Variants in ZNF177 observed in about 807,000 individuals in gnomAD.
The protein encoded by ZNF177 is zinc finger protein 177.
Under a neutral mutation model 19.4 loss-of-function variants are expected in ZNF177, and 17 were observed. That is an observed-to-expected ratio of 0.87 (90% CI 0.60 to 1.31). ZNF177 has a LOEUF of 1.31. ZNF177 is among the 40% of genes most tolerant of loss of function. ZNF177 has a pLI of 0.00. For synonymous variants in ZNF177, 220 were observed against 188.7 expected (o/e 1.17, Z -1.36); for missense variants, 633 against 561.8 (o/e 1.13, Z -1.28).
Position 9,380,148 on chromosome 19 carries a change from T to TA in ZNF177, c.336+10dup. The TA allele has an allele frequency of 6.3e-7, 1 of 1,599,714 alleles. No homozygotes were observed. The highest frequency in any genetic ancestry group is 8.5e-7 in the Non-Finnish European group (1 of 1,176,462). On this transcript the variant is annotated intron_variant, in intron 5 of 5. Transcript: ENST00000589262. ...CCAATGGCATAAACACGGTAAGACT[T>TA]ACTAGGAAGTATTCCTGGTCTTTGT...
chr19:9,381,326 G>A (rs1348257144), exon 6 of ZNF177: 1 of 1,614,066 alleles, frequency 6.2e-7, no homozygotes, highest in Non-Finnish European at 8.5e-7. Context: ...GTGCACAAAA[G>A]AACTCACACT....
intron 5 of ZNF177, 53 bp downstream of exon 7, chr19:9,380,192 TGAA>T: frequency 6.5e-7 from 1 of 1,548,836 alleles, no homozygotes; most frequent in African/African-American, 1.4e-5. Flanking sequence ...TCTGGGAATC[TGAA>T]TGAGTTAAAA....
At chr19:9,370,087 T>G (rs2068028413) in intron 2 of ZNF177, among the ~76,000 whole-genome samples, 1 of 152,216 alleles carries the variant, frequency 6.6e-6, no homozygotes, top group Admixed American at 6.5e-5. Context: ...ATGGGTAAGT[T>G]GTCTCAGGTC....
intron 2 of ZNF177, 95 bp from the exon 5 acceptor site, chr19:9,378,867 C>A: frequency 1.4e-6 from 2 of 1,448,962 alleles, no homozygotes; most frequent in South Asian, 1.7e-5. Flanking sequence ...TGCCCTGAGT[C>A]TCCTCTCCAG....
exon 6 of ZNF177, chr19:9,381,885 A>G: frequency 6.8e-7 from 1 of 1,473,018 alleles, no homozygotes; most frequent in East Asian, 2.3e-5. Context: ...TTCTGGCCCA[A>G]CTCTGGATGC....
chr19:9,382,463 A>C, downstream of ZNF177: 1 of 398,646 alleles, frequency 2.5e-6, no homozygotes, highest in Non-Finnish European at 4.4e-6. Context: ...ATCTGGTTGC[A>C]CTAATCCTGT....
chr19:9,365,413 G>A (rs1030485694), intron 2 of ZNF177, among the ~76,000 whole-genome samples: 7 of 150,566 alleles, frequency 4.6e-5, no homozygotes, highest in Admixed American at 1.3e-4. Flanking sequence ...AGAAGGGACC[G>A]GGGGGTTCTT....
chr19:9,372,914 T>C (rs1457121124), upstream of ZNF177, among the ~76,000 whole-genome samples: 1 of 152,180 alleles, frequency 6.6e-6, no homozygotes, highest in East Asian at 1.9e-4. Flanking sequence ...ATAAAAATTA[T>C]ATATGTTTAA....
chr19:9,382,233 G>C, downstream of ZNF177: 1 of 404,124 alleles, frequency 2.5e-6, no homozygotes, highest in Non-Finnish European at 4.4e-6. Context: ...CCTTACAGCT[G>C]TGAGCGGCCA....
At chr19:9,378,106 T>A in intron 1 of ZNF177, 153 bp from the exon 4 acceptor site, 1 of 586,316 alleles carries the variant, frequency 1.7e-6, no homozygotes, top group Non-Finnish European at 2.7e-6. Context: ...ATATTTCTAA[T>A]TTGAGGATAT....
At chr19:9,365,938 ACAGAG>A in intron 2 of ZNF177, among the ~76,000 whole-genome samples, 1 of 152,276 alleles carries the variant, frequency 6.6e-6, no homozygotes, top group African/African-American at 2.4e-5. Context: ...GATCTTTCTC[ACAGAG>A]CAAAGAGCAG....
At chr19:9,379,657 T>C (rs1243935937) in intron 4 of ZNF177, 38 bp downstream of exon 6, 6 of 1,604,030 alleles carry the variant, frequency 3.7e-6, no homozygotes, top group Non-Finnish European at 5.1e-6. Flanking sequence ...CCTTGGCCAG[T>C]GAGGGTTAGT....
chr19:9,381,142 C>CT lies in ZNF177; in HGVS notation c.813dup (p.Gln272SerfsTer14). ...GAAAACTTTCACTGACCCTTTGTCC[C>CT]TTCAGAACTGTGTCAGAACTCACTC... On this transcript the variant is annotated frameshift_variant, in exon 6 of 6. Transcript: ENST00000589262. LOFTEE classifies it low-confidence loss of function (END_TRUNC). 6.2e-7 allele frequency: 1 copy of CT among 1,614,142 alleles called. No homozygotes were observed. The highest frequency in any genetic ancestry group is 8.5e-7 in the Non-Finnish European group (1 of 1,180,026).
In ZNF177 at chr19:9,366,616, C is replaced by T. The variant is rs1011942937; in HGVS notation, c.-305+1668C>T. 5.9e-5 allele frequency among the ~76,000 whole-genome samples: 9 copies of T among 152,270 alleles called. No individual in the cohort carries two copies. In the East Asian group the frequency reaches 9.6e-4, roughly 16 times the overall value. ...TGGATATACCACATTTTCATTTATC[C>T]GTTCATCGGTAGATAGACATTTGGG... On this transcript the variant is annotated intron_variant, in intron 2 of 8. Coordinates refer to the ZNF177 transcript ENST00000343499.
At chr19:9,363,883 G>A (rs1009994385) in intron 1 of ZNF177, among the ~76,000 whole-genome samples, 9 of 152,116 alleles carry the variant, frequency 5.9e-5, no homozygotes, top group Non-Finnish European at 1.3e-4. Flanking sequence ...ATTAGAAGGA[G>A]CAATCCTTGC....
chr19:9,380,521 A>C, intron 5 of ZNF177, 147 bp from the exon 8 acceptor site: 1 of 1,493,498 alleles, frequency 6.7e-7, no homozygotes, highest in Non-Finnish European at 9.0e-7. Context: ...AATAGGGCAA[A>C]AGTCATACGC....
chr19:9,376,369 G>A (rs1178574996), upstream of ZNF177: 1 of 152,222 alleles, frequency 6.6e-6, no homozygotes, highest in Non-Finnish European at 1.5e-5. Context: ...GCTCTCAAGT[G>A]ATCCTCCTGC....
chr19:9,378,406 T>G, intron 2 of ZNF177, 62 bp downstream of exon 4: 32 of 1,603,228 alleles, frequency 2.0e-5, no homozygotes, highest in Middle Eastern at 1.7e-4. Flanking sequence ...AACACATCTC[T>G]TGCCCCTGAC....
At chr19:9,378,849 G>A in intron 2 of ZNF177, 113 bp from the exon 5 acceptor site, 1 of 1,419,078 alleles carries the variant, frequency 7.0e-7, no homozygotes, top group Non-Finnish European at 9.3e-7. Flanking sequence ...GCATGTCTGA[G>A]CTTCCAGTGC....
Sources: gnomAD v4.1 joint callset for allele counts (sites outside exome capture counted in the v4.1 genomes callset) on GRCh38, gnomAD v4.1.1 for gene constraint, MANE v1.5 for transcripts, NCBI Gene and HGNC (gene_info 2026-07-23, HGNC 2026-07-21) for gene names.